The following ASTN2 variants were observed in gnomAD, a reference collection of about 807,000 sequenced individuals.
The protein encoded by ASTN2 is astrotactin-2.
A neutral mutation model predicts 139.8 loss-of-function variants in ASTN2; 54 were observed. That is an observed-to-expected ratio of 0.39 (90% CI 0.31 to 0.48). The LOEUF (loss-of-function observed/expected upper bound fraction) is 0.48. ASTN2 is among the 20% of genes least tolerant of loss of function. The probability of loss-of-function intolerance (pLI) is 0.95; values close to 1 mark genes in which losing one functional copy is unlikely to be tolerated. For synonymous variants in ASTN2, 756 were observed against 719.5 expected (o/e 1.05, Z -0.81); for missense variants, 1,565 against 1,725.1 (o/e 0.91, Z 1.64).
chr9:117,262,217 G>T (rs1833838991), intron 2 of ASTN2, among the ~76,000 whole-genome samples: 1 of 151,964 alleles, frequency 6.6e-6, no homozygotes, highest in Admixed American at 6.6e-5. Flanking sequence ...AAAGGAGGAG[G>T]CCACACCATT....
At chr9:117,358,744 C>T (rs1268219264) in intron 1 of ASTN2, among the ~76,000 whole-genome samples, 1 of 152,118 alleles carries the variant, frequency 6.6e-6, no homozygotes, top group Non-Finnish European at 1.5e-5. Flanking sequence ...ATGCAATCTC[C>T]TCCAGTTGCA....
At chr9:117,037,896 AT>A (rs1485593606) in intron 6 of ASTN2, among the ~76,000 whole-genome samples, 1 of 151,978 alleles carries the variant, frequency 6.6e-6, no homozygotes, top group African/African-American at 2.4e-5. Context: ...GTTCCTTCTG[AT>A]TTCCTACAGC....
intron 19 of ASTN2, chr9:116,504,386 G>A (rs1183402477): frequency 1.3e-5 from 2 of 152,096 alleles, no homozygotes; most frequent in Non-Finnish European, 2.9e-5. Flanking sequence ...AAAGAAAGAA[G>A]GGAAGGTAAG....
At chr9:116,851,471 CATCTATCTATCT>C (rs58927400) in intron 11 of ASTN2, among the ~76,000 whole-genome samples, 5,856 of 148,958 alleles carry the variant, frequency 0.039, 290 homozygotes, top group African/African-American at 0.12. Context: ...AATTGCTAAA[CATCTATCTATCT>C]ATCTATCTAT....
At chr9:117,046,085 C>T (rs572405124) in intron 5 of ASTN2, among the ~76,000 whole-genome samples, 1 of 152,206 alleles carries the variant, frequency 6.6e-6, no homozygotes, top group Non-Finnish European at 1.5e-5. Context: ...ACTGCAACCT[C>T]TGCCTCCCAG....
At chr9:116,492,485 T>A (rs1243735714) in intron 19 of ASTN2, among the ~76,000 whole-genome samples, 2 of 152,154 alleles carry the variant, frequency 1.3e-5, no homozygotes, top group Middle Eastern at 3.2e-3. Context: ...AAACTGAAGA[T>A]CAGAGAAGGA....
At chr9:116,921,311 G>A (rs192878909) in intron 10 of ASTN2, among the ~76,000 whole-genome samples, 40 of 152,308 alleles carry the variant, frequency 2.6e-4, no homozygotes, top group East Asian at 1.2e-3. Context: ...CTACCTGGCT[G>A]GGCGTGGTGG....
intron 4 of ASTN2, among the ~76,000 whole-genome samples, chr9:117,133,749 A>G (rs978225247): frequency 6.6e-6 from 1 of 152,212 alleles, no homozygotes; most frequent in African/African-American, 2.4e-5. Flanking sequence ...CACGACTTTC[A>G]TTTGGGAAAA....
chr9:116,549,361 G>A (rs1852240900), intron 19 of ASTN2, among the ~76,000 whole-genome samples: 1 of 152,184 alleles, frequency 6.6e-6, no homozygotes, highest in East Asian at 1.9e-4. Flanking sequence ...CACAACTGAG[G>A]CACGAGCAAC....
At chr9:116,840,850 T>C (rs986324418) in intron 11 of ASTN2, among the ~76,000 whole-genome samples, 3 of 149,752 alleles carry the variant, frequency 2.0e-5, no homozygotes, top group Admixed American at 1.3e-4. Flanking sequence ...CCTCACTTCC[T>C]AGATGGGATG....
At chr9:116,871,288 A>C (rs1177301617) in intron 10 of ASTN2, among the ~76,000 whole-genome samples, 1 of 152,204 alleles carries the variant, frequency 6.6e-6, no homozygotes, top group Non-Finnish European at 1.5e-5. Context: ...ATAAAATAAA[A>C]AATCCAGCTC....
At chr9:116,976,927 CA>C in intron 7 of ASTN2, 142 bp from the exon 8 acceptor site, 1 of 667,342 alleles carries the variant, frequency 1.5e-6, no homozygotes. Flanking sequence ...TCTTGTCCAT[CA>C]ACCACTGTGG....
At position 117,046,097 on chromosome 9, in the gene ASTN2, T is replaced by C. The variant is rs149784925; in HGVS notation, c.1277-6132A>G. On this transcript the variant is annotated intron_variant, in intron 5 of 22. Coordinates refer to ENST00000313400, the MANE Select transcript of ASTN2 (RefSeq NM_001365068.1). Reference sequence around the variant, plus strand: ...CTCACTGCAACCTCTGCCTCCCAGGTTCAAGCAATTCTCCTGTCTCAGCCT... The same window carrying C: ...CTCACTGCAACCTCTGCCTCCCAGGCTCAAGCAATTCTCCTGTCTCAGCCT... Among the ~76,000 whole-genome samples, 34 of 152,034 alleles carry C rather than the reference T, an allele frequency of 2.2e-4. 1 individual carries two copies. In the East Asian group the frequency reaches 6.4e-3, roughly 29 times the overall value.
At chr9:117,181,116 A>T in intron 3 of ASTN2, 1 of 899,500 alleles carries the variant, frequency 1.1e-6, no homozygotes. Flanking sequence ...CAGGCTGCAT[A>T]CACTACCAAG....
At chr9:116,736,628 C>T (rs1828934854) in intron 13 of ASTN2, among the ~76,000 whole-genome samples, 1 of 152,168 alleles carries the variant, frequency 6.6e-6, no homozygotes, top group African/African-American at 2.4e-5. Context: ...TATGTGACCT[C>T]TTCAAGCCTC....
chr9:116,547,968 A>G (rs1462170969), intron 19 of ASTN2, among the ~76,000 whole-genome samples: 1 of 152,124 alleles, frequency 6.6e-6, no homozygotes, highest in East Asian at 1.9e-4. Flanking sequence ...TCACCCCCAC[A>G]CACCCTGCCC....
At chr9:116,444,894 C>A (rs1388359632) in intron 20 of ASTN2, among the ~76,000 whole-genome samples, 1 of 152,088 alleles carries the variant, frequency 6.6e-6, no homozygotes, top group African/African-American at 2.4e-5. Flanking sequence ...CATTGGAAAG[C>A]CATGCAGAAG....
intron 16 of ASTN2, among the ~76,000 whole-genome samples, chr9:116,710,521 CG>C (rs992447381): frequency 4.0e-5 from 6 of 151,332 alleles, no homozygotes; most frequent in African/African-American, 1.5e-4. Context: ...CACCTGAGGT[CG>C]GGGGTTTGAG....
intron 1 of ASTN2, among the ~76,000 whole-genome samples, chr9:117,302,915 G>A (rs1834910913): frequency 6.6e-6 from 1 of 152,122 alleles, no homozygotes; most frequent in Non-Finnish European, 1.5e-5. Context: ...TCATATCATG[G>A]TCCACTAGCC....
Sources: allele counts gnomAD v4.1 joint callset (sites outside exome capture counted in the v4.1 genomes callset), GRCh38; gene constraint gnomAD v4.1.1; transcripts MANE v1.5; gene names NCBI Gene and HGNC (gene_info 2026-07-23, HGNC 2026-07-21).